Variants in RAD50 observed in about 807,000 individuals in gnomAD.
The protein encoded by RAD50 is RAD50 double strand break repair protein, also known as DNA repair protein RAD50.
In RAD50, 132 loss-of-function variants were observed where a neutral mutation model predicts 168.8. That is an observed-to-expected ratio of 0.78 (90% CI 0.68 to 0.90). The LOEUF is 0.90. Ranked by LOEUF, RAD50 falls within the 40% of genes least tolerant of loss-of-function variation. The pLI is 0.00. For missense variants in RAD50, 1,347 were observed against 1,534.4 expected (o/e 0.88, Z 2.04); for synonymous variants, 525 against 497.4 (o/e 1.06, Z -0.74).
intron 19 of RAD50, among the ~76,000 whole-genome samples, chr5:132,611,578 C>T (rs1464121033): frequency 3.3e-5 from 5 of 150,528 alleles, no homozygotes; most frequent in East Asian, 1.9e-4. Flanking sequence ...TGGTGGTGGG[C>T]GCCTGTAGTC....
intron 12 of RAD50, 149 bp downstream of exon 12, chr5:132,595,193 T>A: frequency 5.9e-6 from 5 of 849,002 alleles, no homozygotes; most frequent in Non-Finnish European, 7.3e-6. Context: ...ACTCACTGTG[T>A]GACTTTAGGC....
intron 16 of RAD50, among the ~76,000 whole-genome samples, chr5:132,607,726 C>T (rs1042302751): frequency 1.3e-5 from 2 of 152,058 alleles, no homozygotes; most frequent in African/African-American, 4.8e-5. Flanking sequence ...TCATGAGTGC[C>T]TAAGTTTATG....
intron 19 of RAD50, among the ~76,000 whole-genome samples, chr5:132,614,947 T>C (rs1402988495): frequency 6.6e-6 from 1 of 152,190 alleles, no homozygotes; most frequent in Non-Finnish European, 1.5e-5. Flanking sequence ...TGGCCTTTAC[T>C]GTTGGTGCAA....
At chr5:132,640,562 C>G in intron 23 of RAD50, 110 bp from the exon 24 acceptor site, 1 of 1,459,686 alleles carries the variant, frequency 6.9e-7, no homozygotes, top group Non-Finnish European at 9.6e-7. Flanking sequence ...TAACAGTGAA[C>G]CTGTGACGTT....
In RAD50 at chr5:132,638,119, A is replaced by T. The variant is rs757481515; in HGVS notation, c.3514A>T (p.Asn1172Tyr). The T allele has an allele frequency of 4.3e-6, 7 of 1,613,958 alleles. No individual in the cohort carries two copies. The African/African-American group carries it at 5.3e-5, about 12-fold the overall frequency. Residue 1172 changes from asparagine to tyrosine, a missense_variant, in exon 23 of 25, where the codon AAT (asparagine) becomes TAT (tyrosine). Physicochemically the swap from Asn to Tyr is moderately radical, Grantham distance 143 (BLOSUM62 -2). This residue lies in a region of RAD50 where 635 missense variants were observed against 739.2 expected (regional missense o/e 0.86). Coordinates refer to ENST00000378823, the MANE Select transcript of RAD50 (RefSeq NM_005732.4). ...AGAAATACGGTCTGATGCCGATGAA[A>T]ATGTATCAGCTTCTGATAAAAGGCG... is the stretch of plus-strand genomic sequence containing the variant. ...YIEIRSDADE[N>Y]VSASDKRRNY...
Position 132,592,036 on chromosome 5 carries a change from T to G in RAD50, c.1793+2T>G. The G allele has an allele frequency of 6.2e-7, 1 of 1,608,732 alleles. No individual in the cohort carries two copies. Among genetic ancestry groups the G allele is most frequent in the South Asian group, 1.1e-5 (1 of 90,942 alleles). ...CAGGGACAGACTTGCCAAATTGAAG[T>G]AAGTTGCAACATTTGGAGATGTAAT... On this transcript the variant is annotated splice_donor_variant, in intron 11 of 24. Coordinates refer to ENST00000378823, the MANE Select transcript of RAD50 (RefSeq NM_005732.4). LOFTEE classifies it high-confidence loss of function.
intron 8 of RAD50, 78 bp downstream of exon 8, chr5:132,588,958 G>A (rs1750648191): frequency 6.9e-7 from 1 of 1,459,510 alleles, no homozygotes; most frequent in Admixed American, 1.9e-5. Context: ...TTTTTGGTTG[G>A]ACTCCATTTT....
chr5:132,576,350 A>G (rs1750400231), intron 3 of RAD50, among the ~76,000 whole-genome samples: 1 of 152,226 alleles, frequency 6.6e-6, no homozygotes, highest in African/African-American at 2.4e-5. Flanking sequence ...AGAAGCAGAC[A>G]AGTAGGAAAG....
chr5:132,564,750 C>A (rs1048079321), intron 2 of RAD50, among the ~76,000 whole-genome samples: 43 of 152,172 alleles, frequency 2.8e-4, no homozygotes, highest in African/African-American at 1.0e-3. Context: ...CAGAGATCTT[C>A]ACAGCAGCCC....
At chr5:132,571,776 A>G (rs566134774) in intron 2 of RAD50, among the ~76,000 whole-genome samples, 1 of 152,358 alleles carries the variant, frequency 6.6e-6, no homozygotes, top group East Asian at 1.9e-4. Flanking sequence ...AATGGAAATG[A>G]TGTCCTGTCT....
rs587781409 is a variant in RAD50 at position 132,557,458 on chromosome 5, G to C, written c.129+5G>C. 1.2e-6 allele frequency: 2 copies of C among 1,614,200 alleles called. No homozygotes were observed. Among genetic ancestry groups the C allele is most frequent in the Non-Finnish European group, 1.7e-6 (2 of 1,179,990 alleles). On this transcript the variant is annotated splice_donor_5th_base_variant and intron_variant, in intron 1 of 24. Transcript: ENST00000378823. Reference sequence around the variant, plus strand: ...CCCAATGGGGCGGGAAAGACGGTAAGTCTTCAGTAGCCGCCTTCAGTTTAC... The same window carrying C: ...CCCAATGGGGCGGGAAAGACGGTAACTCTTCAGTAGCCGCCTTCAGTTTAC...
chr5:132,605,284 C>T (rs1363890563), intron 16 of RAD50, among the ~76,000 whole-genome samples: 1 of 151,928 alleles, frequency 6.6e-6, no homozygotes, highest in Non-Finnish European at 1.5e-5. Context: ...CTAAGGTGAT[C>T]CGCCTACCTT....
At chr5:132,559,434 C>G in intron 2 of RAD50, 67 bp downstream of exon 2, 1 of 1,494,614 alleles carries the variant, frequency 6.7e-7, no homozygotes, top group Non-Finnish European at 9.1e-7. Context: ...TTATAGAAAA[C>G]TTGGCACTGG....
At chr5:132,614,727 C>A (rs899150861) in intron 19 of RAD50, among the ~76,000 whole-genome samples, 13 of 149,594 alleles carry the variant, frequency 8.7e-5, no homozygotes, top group Non-Finnish European at 1.6e-4. Flanking sequence ...TATTTTTGAT[C>A]CATGGTTAGT....
Position 132,642,410 on chromosome 5 carries a change from G to A in RAD50, c.*46G>A. ...CCATAGAAATGTAGGTCCTCAGAAA[G>A]TGTATAATAAGAAACTTATTTCTCA... On this transcript the variant is annotated 3_prime_UTR_variant, in exon 25 of 25. Coordinates refer to ENST00000378823, the MANE Select transcript of RAD50 (RefSeq NM_005732.4). The A allele has an allele frequency of 1.3e-6, 2 of 1,516,826 alleles. No homozygotes were observed. The highest frequency in any genetic ancestry group is 1.8e-6 in the Non-Finnish European group (2 of 1,098,546). 94.0% of individuals were successfully genotyped at this position (1,516,826 alleles called of 1,614,324 possible).
At chr5:132,573,325 T>C (rs1750339642) in intron 2 of RAD50, among the ~76,000 whole-genome samples, 1 of 152,110 alleles carries the variant, frequency 6.6e-6, no homozygotes, top group Non-Finnish European at 1.5e-5. Context: ...ACAATCATGG[T>C]GGAAGGTGAA....
At position 132,638,800 on chromosome 5, in the gene RAD50, A is replaced by AT. The variant is rs1407082248; in HGVS notation, c.3618+579dup. Among the ~76,000 whole-genome samples, 6 of 152,314 alleles carry AT rather than the reference A, an allele frequency of 3.9e-5. No homozygotes were observed. The East Asian group carries it at 7.7e-4, about 20-fold the overall frequency. On this transcript the variant is annotated intron_variant, in intron 23 of 24. Coordinates refer to ENST00000378823, the MANE Select transcript of RAD50 (RefSeq NM_005732.4). ...GTAAGGCTCTGTGAGGACAGCCTAC[A>AT]TTGGAAATCAGGAAGAGGAATGAAG...
At chr5:132,570,942 A>C (rs1266938443) in intron 2 of RAD50, among the ~76,000 whole-genome samples, 1 of 152,140 alleles carries the variant, frequency 6.6e-6, no homozygotes, top group Non-Finnish European at 1.5e-5. Context: ...TCGCTTAAAC[A>C]CTTAGGGGCT....
chr5:132,600,960 AAAC>A (rs1417754139), intron 13 of RAD50, among the ~76,000 whole-genome samples: 2 of 152,206 alleles, frequency 1.3e-5, no homozygotes, highest in Non-Finnish European at 2.9e-5. Context: ...TAATTTTAAA[AAAC>A]CTTGTGAATC....
Sources: gnomAD v4.1 joint callset for allele counts (sites outside exome capture counted in the v4.1 genomes callset) on GRCh38, gnomAD v4.1.1 for gene constraint, gnomAD v4.1.1 regional missense constraint, MANE v1.5 for transcripts, NCBI Gene and HGNC (gene_info 2026-07-23, HGNC 2026-07-21) for gene names.